DNAJB1: variants seen among roughly 807,000 people sequenced by gnomAD.
DNAJB1 encodes dnaJ homolog subfamily B member 1.
Under a neutral mutation model 24.0 loss-of-function variants are expected in DNAJB1, and 14 were observed. The ratio of observed to expected loss-of-function variants is 0.58; its 90% confidence interval spans 0.39 to 0.91. The LOEUF is 0.91. DNAJB1 is among the 40% of genes least tolerant of loss of function. DNAJB1 has a pLI of 0.00. For missense variants in DNAJB1, 517 were observed against 458.1 expected (o/e 1.13, Z -1.17); for synonymous variants, 262 against 174.4 (o/e 1.50, Z -3.96).
At chr19:14,517,566 G>A (rs1485241122) in intron 1 of DNAJB1, 4 of 154,736 alleles carry the variant, frequency 2.6e-5, no homozygotes, top group African/African-American at 9.6e-5. Context: ...ACGGGCACAG[G>A]AACAAAAAGC....
upstream of DNAJB1, among the ~76,000 whole-genome samples, chr19:14,555,132 T>C (rs2073673445): frequency 1.3e-5 from 2 of 151,562 alleles, no homozygotes; most frequent in Admixed American, 1.3e-4. Flanking sequence ...AGGGGTGCCG[T>C]AGTGTAATCA....
chr19:14,543,425 T>A (rs1269342428), intron 1 of DNAJB1, among the ~76,000 whole-genome samples: 442 of 7,878 alleles, frequency 0.056, 8 homozygotes, highest in Non-Finnish European at 0.068. Flanking sequence ...ATATATTTTT[T>A]TTTTTTTTTT....
Position 14,516,525 on chromosome 19 carries a change from T to C in DNAJB1, c.733A>G (p.Asn245Asp), listed in dbSNP as rs946484777. 3.1e-6 allele frequency: 5 copies of C among 1,614,096 alleles called. No homozygotes were observed. The African/African-American group carries it at 4.0e-5, about 13-fold the overall frequency. ...IVFVLKDKPH[N>D]IFKRDGSDVI... ...TCAGAGCCATCTCTCTTAAAGATAT[T>C]GTGGGGCTTGTCCTTTAAAACAAAG... The change falls in exon 2 of 3, where the codon AAT (asparagine) becomes GAT (aspartate). Residue 245 changes from asparagine (N) to aspartate (D), a missense_variant. Transcript: ENST00000254322.
Position 14,516,624 on chromosome 19 carries a change from A to AC in DNAJB1, c.633dup (p.Trp212ValfsTer23), listed in dbSNP as rs1408673706. 1.2e-6 allele frequency: 2 copies of AC among 1,613,844 alleles called. No individual in the cohort carries two copies. The highest frequency in any genetic ancestry group is 3.3e-5 in the Admixed American group (2 of 59,990). On this transcript the variant is annotated frameshift_variant, in exon 2 of 3. Coordinates refer to ENST00000254322, the MANE Select transcript of DNAJB1 (RefSeq NM_006145.3). LOFTEE classifies it high-confidence loss of function. The stretch of plus-strand genomic sequence containing the variant: ...AAAGTGATTTTGGTTCCTTCTTTCC[A>AC]CCCCTTCTTCACTTCGATGGTCAAT...
At chr19:14,547,341 G>C (rs2146592432) in intron 1 of DNAJB1, among the ~76,000 whole-genome samples, 1 of 146,498 alleles carries the variant, frequency 6.8e-6, no homozygotes, top group African/African-American at 2.5e-5. Flanking sequence ...ACCGTACCTG[G>C]CCTATTTTAT....
chr19:14,531,662 TCCAC>T (rs943404600), upstream of DNAJB1: 3 of 152,170 alleles, frequency 2.0e-5, no homozygotes, highest in Non-Finnish European at 4.4e-5. Flanking sequence ...CCTCAGGTGA[TCCAC>T]CCACCTTGGC....
intron 1 of DNAJB1, among the ~76,000 whole-genome samples, chr19:14,538,518 C>G (rs1055310442): frequency 1.4e-5 from 2 of 144,758 alleles, no homozygotes; most frequent in Non-Finnish European, 3.0e-5. Context: ...TTTGGAAGGC[C>G]TCAAAACTCT....
chr19:14,545,194 C>G (rs1353302184), intron 1 of DNAJB1: 3 of 456,638 alleles, frequency 6.6e-6, no homozygotes, highest in Admixed American at 4.7e-5. Flanking sequence ...AAACCTAAAG[C>G]ACTTGTCTTG....
At chr19:14,542,294 C>T (rs980383656) in intron 1 of DNAJB1, among the ~76,000 whole-genome samples, 7 of 147,306 alleles carry the variant, frequency 4.8e-5, no homozygotes, top group Non-Finnish European at 9.0e-5. Context: ...TAAAAGATTC[C>T]CTATTGGAGG....
chr19:14,521,456 A>AAATAATAATAATAATAATAAT (rs111596555), upstream of DNAJB1, among the ~76,000 whole-genome samples: 166 of 143,116 alleles, frequency 1.2e-3, 1 homozygote, highest in African/African-American at 3.9e-3. Context: ...GAGAGTTTCA[A>AAATAATAATAATAATAATAAT]AATAATAATA....
At chr19:14,542,347 G>GGGTTTTTTTTTTTTTTTTTTTTT (rs2073124658) in intron 1 of DNAJB1, among the ~76,000 whole-genome samples, 1 of 43,284 alleles carries the variant, frequency 2.3e-5, no homozygotes, top group African/African-American at 8.1e-5. Flanking sequence ...ATGCCATAGT[G>GGGTTTTTTTTTTTTTTTTTTTTT]TTTTTTTTTT....
chr19:14,523,870 G>A (rs1015129933), intron 2 of DNAJB1, among the ~76,000 whole-genome samples: 4 of 151,732 alleles, frequency 2.6e-5, no homozygotes, highest in South Asian at 4.2e-4. Context: ...GTGATCCGCC[G>A]GCCTTGGCCT....
chr19:14,554,814 C>G (rs1007747873), upstream of DNAJB1, among the ~76,000 whole-genome samples: 4 of 151,968 alleles, frequency 2.6e-5, no homozygotes, highest in Admixed American at 1.3e-4. Context: ...GAGTTTCACT[C>G]TGTCACCAGG....
intron 1 of DNAJB1, among the ~76,000 whole-genome samples, chr19:14,548,326 T>C (rs2073375314): frequency 6.6e-6 from 1 of 152,124 alleles, no homozygotes; most frequent in South Asian, 2.1e-4. Flanking sequence ...TGAACCTGCA[T>C]TTCCCCACCC....
At chr19:14,529,787 C>A, upstream of DNAJB1, 1 of 1,601,346 alleles carries the variant, frequency 6.2e-7, no homozygotes, top group Non-Finnish European at 8.5e-7. Context: ...CCACGGGACC[C>A]CACTTTCTGG....
chr19:14,556,784 C>A (rs2073741366), intron 1 of DNAJB1, among the ~76,000 whole-genome samples: 1 of 152,190 alleles, frequency 6.6e-6, no homozygotes, highest in African/African-American at 2.4e-5. Context: ...CCGGCTGCTG[C>A]GGGTGCCCTT....
chr19:14,517,811 G>A (rs2072299924), intron 1 of DNAJB1: 1 of 249,530 alleles, frequency 4.0e-6, no homozygotes, highest in Non-Finnish European at 7.7e-6. Flanking sequence ...TCCGCAGCGG[G>A]CTCCGCCGCG....
rs527335375 is a variant in DNAJB1, at chr19:14,524,346, T to C, written c.-90+3380A>G. ...GAGTTCCAGATCAGCCTGGCCCACA[T>C]AGTGAGACCCCATATCTGCAAAGAA... is the stretch of plus-strand genomic sequence containing the variant. On this transcript the variant is annotated intron_variant, in intron 2 of 3. Coordinates refer to the DNAJB1 transcript ENST00000396969. 2.6e-5 allele frequency among the ~76,000 whole-genome samples: 4 copies of C among 151,782 alleles called. No individual in the cohort carries two copies. In the South Asian group the frequency reaches 8.3e-4, roughly 32 times the overall value.
At chr19:14,529,511 CA>C (rs756999775), upstream of DNAJB1, 40 of 769,962 alleles carry the variant, frequency 5.2e-5, no homozygotes, top group Non-Finnish European at 7.8e-5. Context: ...CCCCAAGGAG[CA>C]GGGGCGAACG....
Sources: allele counts gnomAD v4.1 joint callset (sites outside exome capture counted in the v4.1 genomes callset), GRCh38; gene constraint gnomAD v4.1.1; transcripts MANE v1.5; gene names NCBI Gene and HGNC (gene_info 2026-07-23, HGNC 2026-07-21).